The following UBE2E2 variants were observed in gnomAD, a reference collection of about 807,000 sequenced individuals.
UBE2E2 encodes ubiquitin conjugating enzyme E2 E2.
A neutral mutation model predicts 24.7 loss-of-function variants in UBE2E2; 6 were observed. The observed-to-expected ratio is 0.24, with a 90% confidence interval of 0.13 to 0.48. The LOEUF (loss-of-function observed/expected upper bound fraction) is 0.48, where lower values mean the gene tolerates loss of function less well. UBE2E2 is among the 20% of genes least tolerant of loss of function. UBE2E2 has a pLI of 0.99. For synonymous variants in UBE2E2, 104 were observed against 83.6 expected, an observed-to-expected ratio of 1.24 and a Z score of -1.33; for missense variants, 169 against 245.0, an observed-to-expected ratio of 0.69 and a Z score of 2.07.
intron 3 of UBE2E2, among the ~76,000 whole-genome samples, chr3:23,345,497 A>C (rs1378913952): frequency 1.3e-5 from 2 of 152,216 alleles, no homozygotes; most frequent in African/African-American, 4.8e-5. Flanking sequence ...TTTGATTGCA[A>C]TAATTATCAC....
intron 5 of UBE2E2, among the ~76,000 whole-genome samples, chr3:23,579,172 C>G (rs1696411391): frequency 6.6e-6 from 1 of 152,052 alleles, no homozygotes; most frequent in Non-Finnish European, 1.5e-5. Flanking sequence ...GTAGGTGGAT[C>G]ATGAGGTCAG....
At chr3:23,214,773 A>G (rs942408534) in intron 2 of UBE2E2, among the ~76,000 whole-genome samples, 4 of 152,060 alleles carry the variant, frequency 2.6e-5, no homozygotes, top group Non-Finnish European at 4.4e-5. Flanking sequence ...TAACAAAGTA[A>G]ACAGTACATA....
chr3:23,503,069 CTATT>C (rs1694311691), intron 4 of UBE2E2, among the ~76,000 whole-genome samples: 1 of 150,816 alleles, frequency 6.6e-6, no homozygotes, highest in East Asian at 1.9e-4. Flanking sequence ...CTTTTTACAC[CTATT>C]TATTTTTCAG....
At chr3:23,361,737 A>G (rs560016637) in intron 3 of UBE2E2, among the ~76,000 whole-genome samples, 1 of 152,330 alleles carries the variant, frequency 6.6e-6, no homozygotes, top group East Asian at 1.9e-4. Context: ...TGGTGGGTGC[A>G]TTGAAATCTC....
intron 4 of UBE2E2, among the ~76,000 whole-genome samples, chr3:23,517,341 C>T (rs1255918725): frequency 6.6e-6 from 1 of 152,052 alleles, no homozygotes; most frequent in Non-Finnish European, 1.5e-5. Flanking sequence ...TTTAAATTGC[C>T]TTAAATCAAA....
In UBE2E2 at chr3:23,367,651, T is replaced by C. The variant is rs185504903; in HGVS notation, c.228-131957T>C. ...AAGTAAGCTTAAGTATTTGTGTGAG[T>C]TCCGTGATTTCGTTCGGGCAGATTA... is the stretch of plus-strand genomic sequence containing the variant. On this transcript the variant is annotated intron_variant, in intron 3 of 5. Transcript: ENST00000396703. 1.4e-3 allele frequency among the ~76,000 whole-genome samples: 215 copies of C among 152,252 alleles called. 1 individual carries two copies. Among genetic ancestry groups the C allele is most frequent in the Non-Finnish European group, 2.1e-3 (141 of 68,030 alleles).
chr3:23,404,461 G>C (rs1382233421), intron 3 of UBE2E2, among the ~76,000 whole-genome samples: 2 of 152,070 alleles, frequency 1.3e-5, no homozygotes, highest in African/African-American at 4.8e-5. Context: ...TTCTTTCTCA[G>C]ATAACCCAGT....
At chr3:23,545,213 C>G (rs6801946) in intron 5 of UBE2E2, among the ~76,000 whole-genome samples, 1 of 151,798 alleles carries the variant, frequency 6.6e-6, no homozygotes, top group Non-Finnish European at 1.5e-5. Flanking sequence ...AGACCCTTTA[C>G]GGGTGTCGGG....
chr3:23,342,818 A>G (rs1695434535), intron 3 of UBE2E2, among the ~76,000 whole-genome samples: 1 of 152,210 alleles, frequency 6.6e-6, no homozygotes, highest in Admixed American at 6.5e-5. Context: ...ACCCAAGAAT[A>G]AACTTTTATA....
At chr3:23,338,251 T>C (rs1695267632) in intron 3 of UBE2E2, among the ~76,000 whole-genome samples, 1 of 152,194 alleles carries the variant, frequency 6.6e-6, no homozygotes, top group Non-Finnish European at 1.5e-5. Context: ...TTAGCAATTC[T>C]GAAACAACTT....
At chr3:23,579,346 C>G (rs987642598) in intron 5 of UBE2E2, among the ~76,000 whole-genome samples, 9 of 148,790 alleles carry the variant, frequency 6.0e-5, no homozygotes, top group Non-Finnish European at 1.0e-4. Context: ...GATCGTGCCA[C>G]TACACTCCAG....
chr3:23,523,058 T>C (rs935166572), intron 4 of UBE2E2, among the ~76,000 whole-genome samples: 2 of 151,928 alleles, frequency 1.3e-5, no homozygotes. Flanking sequence ...AAATGAAATA[T>C]GAAATATAAT....
At chr3:23,302,827 G>C (rs1383858114) in intron 3 of UBE2E2, among the ~76,000 whole-genome samples, 2 of 152,214 alleles carry the variant, frequency 1.3e-5, no homozygotes, top group Non-Finnish European at 2.9e-5. Context: ...CTGCAGTCCT[G>C]CTTTGGTTTG....
intron 3 of UBE2E2, among the ~76,000 whole-genome samples, chr3:23,353,356 A>G (rs1013692379): frequency 1.2e-4 from 18 of 152,000 alleles, no homozygotes; most frequent in Middle Eastern, 3.2e-3. Context: ...CACCACTCCT[A>G]TTCAACATAG....
intron 5 of UBE2E2, among the ~76,000 whole-genome samples, chr3:23,536,731 G>A (rs189025859): frequency 6.6e-6 from 1 of 152,324 alleles, no homozygotes; most frequent in East Asian, 1.9e-4. Context: ...GATTGTAGAT[G>A]GGGAGGAATA....
intron 4 of UBE2E2, among the ~76,000 whole-genome samples, chr3:23,521,601 C>G (rs896220066): frequency 1.3e-5 from 2 of 152,182 alleles, no homozygotes; most frequent in African/African-American, 4.8e-5. Flanking sequence ...TAGTACCTGA[C>G]TGGGGGAGAC....
In UBE2E2 at chr3:23,458,809, G is replaced by A. The variant is rs543056719; in HGVS notation, c.228-40799G>A. Among the ~76,000 whole-genome samples the A allele has an allele frequency of 3.9e-5, 6 of 152,266 alleles. No homozygotes were observed. The East Asian group carries it at 9.6e-4, about 24-fold the overall frequency. ...AGACACAGAGACATAAAGTGAGCATGTACTGCTGGAAAATGGTGCTGATGG... is the reference window on the plus strand; with the variant it reads ...AGACACAGAGACATAAAGTGAGCATATACTGCTGGAAAATGGTGCTGATGG... On this transcript the variant is annotated intron_variant, in intron 3 of 5. Transcript: ENST00000396703.
intron 3 of UBE2E2, among the ~76,000 whole-genome samples, chr3:23,373,650 T>A (rs1449783377): frequency 6.6e-6 from 1 of 152,126 alleles, no homozygotes; most frequent in East Asian, 1.9e-4. Flanking sequence ...GAATGGGGAG[T>A]GTAATAACCC....
At chr3:23,505,482 G>T (rs1383314492) in intron 4 of UBE2E2, among the ~76,000 whole-genome samples, 1 of 152,192 alleles carries the variant, frequency 6.6e-6, no homozygotes, top group Non-Finnish European at 1.5e-5. Context: ...CTGTGTCCAT[G>T]TTCCTGGGAA....
Sources: allele counts gnomAD v4.1 joint callset (sites outside exome capture counted in the v4.1 genomes callset), GRCh38; gene constraint gnomAD v4.1.1; transcripts MANE v1.5; gene names NCBI Gene and HGNC (gene_info 2026-07-23, HGNC 2026-07-21).